Variants in RPRML observed in about 807,000 individuals in gnomAD.
RPRML encodes the protein reprimo like, also known as reprimo-like protein.
Under a neutral mutation model 5.2 loss-of-function variants are expected in RPRML, and 4 were observed. The ratio of observed to expected loss-of-function variants is 0.77; its 90% CI spans 0.38 to 1.76. The LOEUF is 1.76. RPRML is among the 40% of genes most tolerant of loss of function. The probability of loss-of-function intolerance (pLI) is 0.04; values close to 1 mark genes in which losing one functional copy is unlikely to be tolerated. For missense variants in RPRML, 181 were observed against 177.7 expected (o/e 1.02, Z -0.11); for synonymous variants, 79 against 89.1 (o/e 0.89, Z 0.64).
In RPRML at chr17:46,978,960, G is replaced by A. The variant is rs931648583; in HGVS notation, c.48C>T (p.Gly16=). Residue 16 remains glycine (G), a synonymous_variant, in exon 1 of 1, where the codon GGC becomes GGT. Coordinates refer to ENST00000322329, the MANE Select transcript of RPRML (RefSeq NM_203400.5). ...GGGCGGCCCCGGCGCCGCCGCCCAC[G>A]CCGTCCACCTCCTCCAAGCCGCTGT... The part of the protein sequence containing the change: ...LNHSGLEEVD[G]VGGGAGAALG... The A allele has an allele frequency of 6.9e-7, 1 of 1,452,700 alleles. No individual in the cohort carries two copies. The highest frequency in any genetic ancestry group is 1.3e-5 in the South Asian group (1 of 74,490). The allele number at this position is 1,452,700 out of a possible 1,614,324, so 90.0% of individuals were successfully genotyped here.
At position 46,978,650 on chromosome 17, in the gene RPRML, A is replaced by T; in HGVS notation, c.358T>A (p.Tyr120Asn). 6.2e-7 allele frequency: 1 copy of T among 1,603,132 alleles called. No homozygotes were observed. The highest frequency in any genetic ancestry group is 8.5e-7 in the Non-Finnish European group (1 of 1,175,764). The part of the protein sequence containing the change: ...KDVGAAILGL[Y>N] ...AGGGCGGACCCAGATGGCGCTCAGT[A>T]CAGCCCCAGGATGGCTGCGCCCACG... The change falls in exon 1 of 1, where the codon TAC (tyrosine) becomes AAC (asparagine). Residue 120 changes from tyrosine to asparagine, a missense_variant. Transcript: ENST00000322329.
Position 46,979,168 on chromosome 17 carries a change from C to T in RPRML, c.-161G>A, listed in dbSNP as rs1228025699. 3.9e-6 allele frequency: 3 copies of T among 764,552 alleles called. No individual in the cohort carries two copies. The highest frequency in any genetic ancestry group is 5.6e-6 in the Non-Finnish European group (3 of 539,380). 47.4% of individuals were successfully genotyped at this position (764,552 alleles called of 1,614,324 possible). On this transcript the variant is annotated 5_prime_UTR_variant, in exon 1 of 1. Coordinates refer to ENST00000322329, the MANE Select transcript of RPRML (RefSeq NM_203400.5). Reference sequence around the variant, plus strand: ...TGGCTGCCTGCGCGCTCTCGGGCCGCCTACCCCTGGGCACCGGGCGGGAAG... The same window carrying T: ...TGGCTGCCTGCGCGCTCTCGGGCCGTCTACCCCTGGGCACCGGGCGGGAAG...
Position 46,978,991 on chromosome 17 carries a change from A to T in RPRML, c.17T>A (p.Leu6Gln). 1 of 1,427,772 alleles carries T rather than the reference A, an allele frequency of 7.0e-7. No individual in the cohort carries two copies. The highest frequency in any genetic ancestry group is 9.1e-7 in the Non-Finnish European group (1 of 1,102,116). 88.4% of individuals were successfully genotyped at this position (1,427,772 alleles called of 1,614,324 possible). ...CACCTCCTCCAAGCCGCTGTGGTTC[A>T]GGAAGGTCGCGTTCATCGCCGCGCG... MNATFLNHSGLEEVDG... is the reference protein window; with the variant it reads MNATFQNHSGLEEVDG... Residue 6 changes from leucine (L) to glutamine (Q), a missense_variant, in exon 1 of 1, where the codon CTG becomes CAG. Physicochemically the swap from Leu to Gln is moderately radical, Grantham distance 113. Transcript: ENST00000322329.
At position 46,978,951 on chromosome 17, in the gene RPRML, G is replaced by T. The variant is rs1433706584; in HGVS notation, c.57C>A (p.Gly19=). Residue 19 remains glycine, a synonymous_variant, in exon 1 of 1, where the codon GGC becomes GGA. Transcript: ENST00000322329. The stretch of plus-strand genomic sequence containing the variant: ...GGTTTCCCAGGGCGGCCCCGGCGCC[G>T]CCGCCCACGCCGTCCACCTCCTCCA... ...SGLEEVDGVG[G]GAGAALGNRT... is the part of the protein sequence containing the mutation. 6.9e-7 allele frequency: 1 copy of T among 1,452,622 alleles called. No homozygotes were observed. The highest frequency in any genetic ancestry group is 1.5e-5 in the African/African-American group (1 of 67,040). The allele number at this position is 1,452,622 out of a possible 1,614,324, so 90.0% of individuals were successfully genotyped here.
In RPRML at chr17:46,978,564, G is replaced by C. The variant is rs2091464624; in HGVS notation, c.*81C>G. ...AGCTGCCCGCCCGGAGGCGGCGGCA[G>C]AGCGCAGAGAGCGGGGCGAGGGTCC... On this transcript the variant is annotated 3_prime_UTR_variant, in exon 1 of 1. Coordinates refer to ENST00000322329, the MANE Select transcript of RPRML (RefSeq NM_203400.5). The C allele has an allele frequency of 1.4e-6, 2 of 1,476,858 alleles. No homozygotes were observed. Among genetic ancestry groups the C allele is most frequent in the South Asian group, 2.6e-5 (2 of 76,642 alleles). The allele number at this position is 1,476,858 out of a possible 1,614,324, so 91.5% of individuals were successfully genotyped here.
At position 46,978,710 on chromosome 17, in the gene RPRML, T is replaced by G. The variant is rs762467207; in HGVS notation, c.298A>C (p.Asn100His). Residue 100 changes from asparagine to histidine, a missense_variant, in exon 1 of 1, where the codon AAC becomes CAC. Asn to His is a moderately conservative substitution (Grantham distance 68, BLOSUM62 1). Coordinates refer to ENST00000322329, the MANE Select transcript of RPRML (RefSeq NM_203400.5). ...GGCCGGCGCTCCTGCACCAGAAAGTTGATCATGCTCTCGGACTTGATGAGC... is the reference window on the plus strand; with the variant it reads ...GGCCGGCGCTCCTGCACCAGAAAGTGGATCATGCTCTCGGACTTGATGAGC... ...NLLIKSESMI[N>H]FLVQERRPSK... The G allele has an allele frequency of 4.3e-6, 7 of 1,612,004 alleles. No homozygotes were observed. Among genetic ancestry groups the G allele is most frequent in the African/African-American group, 2.7e-5 (2 of 74,794 alleles).
chr17:46,979,043 C>T lies in RPRML; in HGVS notation c.-36G>A, dbSNP rs1231516510. On this transcript the variant is annotated 5_prime_UTR_variant, in exon 1 of 1. Coordinates refer to ENST00000322329, the MANE Select transcript of RPRML (RefSeq NM_203400.5). Reference sequence around the variant, plus strand: ...CGCCGGGGGTCTCGGCGCGCAGTCCCGGGTGCACTGGGCTGCTCGCCGGGG... The same window carrying T: ...CGCCGGGGGTCTCGGCGCGCAGTCCTGGGTGCACTGGGCTGCTCGCCGGGG... 5.8e-6 allele frequency: 8 copies of T among 1,371,566 alleles called. No homozygotes were observed. Among genetic ancestry groups the T allele is most frequent in the Admixed American group, 4.0e-5 (1 of 24,980 alleles). The allele number at this position is 1,371,566 out of a possible 1,614,324, so 85.0% of individuals were successfully genotyped here.
rs2091470137 is a variant in RPRML, at chr17:46,979,040, TC to T, written c.-34del. The T allele has an allele frequency of 7.3e-7, 1 of 1,374,682 alleles. No individual in the cohort carries two copies. The allele number at this position is 1,374,682 out of a possible 1,614,324, so 85.2% of individuals were successfully genotyped here. ...CGGCGCCGGGGGTCTCGGCGCGCAG[TC>T]CCGGGTGCACTGGGCTGCTCGCCGG... is the stretch of plus-strand genomic sequence containing the variant. On this transcript the variant is annotated 5_prime_UTR_variant, in exon 1 of 1. Coordinates refer to ENST00000322329, the MANE Select transcript of RPRML (RefSeq NM_203400.5).
In RPRML at chr17:46,979,105, G is replaced by A. The variant is rs971028499; in HGVS notation, c.-98C>T. ...AGGGACGCTCCGGACCCCTCGGACC[G>A]GCTCCTGCGGTACGGGGAGGGGACG... On this transcript the variant is annotated 5_prime_UTR_variant, in exon 1 of 1. Coordinates refer to ENST00000322329, the MANE Select transcript of RPRML (RefSeq NM_203400.5). 3 of 1,195,860 alleles carry A rather than the reference G, an allele frequency of 2.5e-6. No individual in the cohort carries two copies. Among genetic ancestry groups the A allele is most frequent in the South Asian group, 2.6e-5 (1 of 38,088 alleles). The allele number at this position is 1,195,860 out of a possible 1,614,324, so 74.1% of individuals were successfully genotyped here.
At position 46,978,798 on chromosome 17, in the gene RPRML, G is replaced by A. The variant is rs2147358428; in HGVS notation, c.210C>T (p.Ile70=). Residue 70 remains isoleucine, a synonymous_variant, in exon 1 of 1, where the codon ATC becomes ATT. Transcript: ENST00000322329. ...TAAGCGACAGCACGCAGAGCACGGC[G>A]ATCTGCGCCACCCGCGACACCCACA... ...RSLWVSRVAQ[I]AVLCVLSLTV... 6.2e-7 allele frequency: 1 copy of A among 1,611,538 alleles called. No homozygotes were observed. The highest frequency in any genetic ancestry group is 2.2e-5 in the East Asian group (1 of 44,744).
At position 46,978,273 on chromosome 17, in the gene RPRML, G is replaced by A; in HGVS notation, c.*372C>T. On this transcript the variant is annotated 3_prime_UTR_variant, in exon 1 of 1. Coordinates refer to ENST00000322329, the MANE Select transcript of RPRML (RefSeq NM_203400.5). ...CTTCACATCTTCACCCACTCGCACC[G>A]TGTTCCGAACCCACCCGCACCAACG... 1 of 274,004 alleles carries A rather than the reference G, an allele frequency of 3.6e-6. No homozygotes were observed. The highest frequency in any genetic ancestry group is 6.8e-6 in the Non-Finnish European group (1 of 147,872). 17.0% of individuals were successfully genotyped at this position (274,004 alleles called of 1,614,324 possible).
Position 46,978,237 on chromosome 17 carries a change from C to T in RPRML, c.*408G>A. 1 of 218,612 alleles carries T rather than the reference C, an allele frequency of 4.6e-6. No individual in the cohort carries two copies. The highest frequency in any genetic ancestry group is 1.1e-4 in the South Asian group (1 of 9,268). 13.5% of individuals were successfully genotyped at this position (218,612 alleles called of 1,614,324 possible). The stretch of plus-strand genomic sequence containing the variant: ...CGCAAGATCAGGCCAACAAGCTCAG[C>T]GACTCTGACGCTTCACATCTTCACC... On this transcript the variant is annotated 3_prime_UTR_variant, in exon 1 of 1. Coordinates refer to ENST00000322329, the MANE Select transcript of RPRML (RefSeq NM_203400.5).
Position 46,978,393 on chromosome 17 carries a change from C to CAA in RPRML, c.*250_*251dup, listed in dbSNP as rs3048484. The stretch of plus-strand genomic sequence containing the variant: ...CCGAACGTCTTAAAAAACAAACAAA[C>CAA]AAAAAAAACTGGTAAGAACCCTCAC... On this transcript the variant is annotated 3_prime_UTR_variant, in exon 1 of 1. Coordinates refer to ENST00000322329, the MANE Select transcript of RPRML (RefSeq NM_203400.5). 0.76 allele frequency: 335,284 copies of CAA among 438,372 alleles called. 125,188 individuals carry two copies. The highest frequency in any genetic ancestry group is 0.82 in the Admixed American group (17,692 of 21,702). The allele number at this position is 438,372 out of a possible 1,614,324, so 27.2% of individuals were successfully genotyped here.
In RPRML at chr17:46,978,911, C is replaced by G. The variant is rs1341912474; in HGVS notation, c.97G>C (p.Gly33Arg). The G allele has an allele frequency of 1.4e-6, 2 of 1,474,348 alleles. No homozygotes were observed. The highest frequency in any genetic ancestry group is 8.9e-7 in the Non-Finnish European group (1 of 1,121,346). 91.3% of individuals were successfully genotyped at this position (1,474,348 alleles called of 1,614,324 possible). ...CCTGGACAGCAGCCCAGCCACGTGC[C>G]CAGCCCGTGGGTGCGGTTTCCCAGG... ...AALGNRTHGL[G>R]TWLGCCPGGA... The change falls in exon 1 of 1, where the codon GGC (glycine) becomes CGC (arginine). Residue 33 changes from glycine to arginine, a missense_variant. By Grantham distance (125) the Gly-to-Arg change is moderately radical (BLOSUM62 -2). Transcript: ENST00000322329.
Position 46,978,338 on chromosome 17 carries a change from T to C in RPRML, c.*307A>G, listed in dbSNP as rs1453362666. 13 of 384,454 alleles carry C rather than the reference T, an allele frequency of 3.4e-5. No homozygotes were observed. The highest frequency in any genetic ancestry group is 6.0e-5 in the Non-Finnish European group (13 of 215,882). 23.8% of individuals were successfully genotyped at this position (384,454 alleles called of 1,614,324 possible). A position where few individuals can be genotyped will look rare whatever the true frequency, so the allele number is the denominator to read the frequency against. ...CCACGCGAGCGACCGCAGTCCCAAA[T>C]TGCATCTCCATACCCACTCCCACCC... is the stretch of plus-strand genomic sequence containing the variant. On this transcript the variant is annotated 3_prime_UTR_variant, in exon 1 of 1. Coordinates refer to ENST00000322329, the MANE Select transcript of RPRML (RefSeq NM_203400.5).
chr17:46,978,389 C>CAA lies in RPRML; in HGVS notation c.*254_*255dup, dbSNP rs1389933131. On this transcript the variant is annotated 3_prime_UTR_variant, in exon 1 of 1. Transcript: ENST00000322329. ...TGCCCCGAACGTCTTAAAAAACAAA[C>CAA]AAACAAAAAAAACTGGTAAGAACCC... 262 of 373,040 alleles carry CAA rather than the reference C, an allele frequency of 7.0e-4. 1 individual carries two copies. The highest frequency in any genetic ancestry group is 4.0e-3 in the Admixed American group (45 of 11,146). The allele number at this position is 373,040 out of a possible 1,614,324, so 23.1% of individuals were successfully genotyped here.
In RPRML at chr17:46,979,021, C is replaced by T. The variant is rs2091469861; in HGVS notation, c.-14G>A. ...GGTCGCGTTCATCGCCGCGCGGCGCCGGGGGTCTCGGCGCGCAGTCCCGGG... is the reference window on the plus strand; with the variant it reads ...GGTCGCGTTCATCGCCGCGCGGCGCTGGGGGTCTCGGCGCGCAGTCCCGGG... On this transcript the variant is annotated 5_prime_UTR_variant, in exon 1 of 1. Coordinates refer to ENST00000322329, the MANE Select transcript of RPRML (RefSeq NM_203400.5). 7.2e-7 allele frequency: 1 copy of T among 1,391,274 alleles called. No homozygotes were observed. The highest frequency in any genetic ancestry group is 9.2e-7 in the Non-Finnish European group (1 of 1,085,412). The allele number at this position is 1,391,274 out of a possible 1,614,324, so 86.2% of individuals were successfully genotyped here.
chr17:46,978,533 G>T lies in RPRML; in HGVS notation c.*112C>A. ...CCGCGTCCCCGCCCGGGCGCCCCAG[G>T]CACGTAGCTGCCCGCCCGGAGGCGG... On this transcript the variant is annotated 3_prime_UTR_variant, in exon 1 of 1. Transcript: ENST00000322329. 2.2e-6 allele frequency: 3 copies of T among 1,367,692 alleles called. No individual in the cohort carries two copies. Among genetic ancestry groups the T allele is most frequent in the Non-Finnish European group, 1.9e-6 (2 of 1,028,908 alleles). 84.7% of individuals were successfully genotyped at this position (1,367,692 alleles called of 1,614,324 possible).
rs1389933131 is a variant in RPRML, at chr17:46,978,389, C to CAAA, written c.*253_*255dup. ...TGCCCCGAACGTCTTAAAAAACAAA[C>CAAA]AAACAAAAAAAACTGGTAAGAACCC... On this transcript the variant is annotated 3_prime_UTR_variant, in exon 1 of 1. Transcript: ENST00000322329. 3.5e-5 allele frequency: 13 copies of CAAA among 373,036 alleles called. No homozygotes were observed. The highest frequency in any genetic ancestry group is 9.2e-5 in the East Asian group (2 of 21,814). The allele number at this position is 373,036 out of a possible 1,614,324, so 23.1% of individuals were successfully genotyped here. A position where few individuals can be genotyped will look rare whatever the true frequency, so the allele number is the denominator to read the frequency against.
Sources: gnomAD v4.1 joint callset for allele counts on GRCh38, gnomAD v4.1.1 for gene constraint, MANE v1.5 for transcripts, NCBI Gene and HGNC (gene_info 2026-07-23, HGNC 2026-07-21) for gene names.